CTBP2: variants seen among roughly 807,000 people sequenced by gnomAD.
CTBP2 encodes the protein C-terminal binding protein 2.
Under a neutral mutation model 80.3 loss-of-function variants are expected in CTBP2, and 30 were observed. The ratio of observed to expected loss-of-function variants is 0.37; its 90% CI spans 0.28 to 0.51. The LOEUF (loss-of-function observed/expected upper bound fraction) is 0.51. Ranked by LOEUF, CTBP2 falls within the 20% of genes least tolerant of loss-of-function variation. CTBP2 has a pLI of 0.93. For missense variants in CTBP2, 1,212 were observed against 1,375.3 expected, an observed-to-expected ratio of 0.88 and a Z score of 1.88; for synonymous variants, 594 against 587.4, an observed-to-expected ratio of 1.01 and a Z score of -0.16.
chr10:125,148,190 G>C (rs377723083), intron 1 of CTBP2, among the ~76,000 whole-genome samples: 3 of 152,244 alleles, frequency 2.0e-5, no homozygotes, highest in East Asian at 1.9e-4. Flanking sequence ...AGACATTCAC[G>C]ACCTTCCAGT....
At chr10:125,160,644 C>A (rs1861792334), upstream of CTBP2, 1 of 105,134 alleles carries the variant, frequency 9.5e-6, no homozygotes, top group African/African-American at 3.8e-5. Context: ...CCCTACCCCT[C>A]CCTTCCCTTC....
In CTBP2 at chr10:125,071,752, T is replaced by C. The variant is rs538515089; in HGVS notation, c.-101-32597A>G. Among the ~76,000 whole-genome samples, 11 of 152,250 alleles carry C rather than the reference T, an allele frequency of 7.2e-5. No homozygotes were observed. The South Asian group carries it at 2.3e-3, about 32-fold the overall frequency. On this transcript the variant is annotated intron_variant, in intron 2 of 10. Coordinates refer to the CTBP2 transcript ENST00000337195. ...TAGTTAATGGTCCAATGGTTCTTCC[T>C]TCCATCACAAAACCAAATTCCCAGA...
intron 1 of CTBP2, among the ~76,000 whole-genome samples, chr10:125,129,269 T>C (rs1410235815): frequency 6.6e-6 from 1 of 151,962 alleles, no homozygotes; most frequent in Non-Finnish European, 1.5e-5. Flanking sequence ...CAAGGGGACT[T>C]TCCGGAGTGA....
chr10:124,984,404 C>A lies in CTBP2; in HGVS notation c.*5114G>T. On this transcript the variant is annotated 3_prime_UTR_variant, in exon 9 of 9. Transcript: ENST00000309035. Reference sequence around the variant, plus strand: ...AACATGAAGAAAAAAAGTTCATAGACCGTAACTTGTATAATTTCAGCTTGT... The same window carrying A: ...AACATGAAGAAAAAAAGTTCATAGAACGTAACTTGTATAATTTCAGCTTGT... 1 of 185,176 alleles carries A rather than the reference C, an allele frequency of 5.4e-6. No homozygotes were observed. The highest frequency in any genetic ancestry group is 1.1e-5 in the Non-Finnish European group (1 of 90,368). The allele number at this position is 185,176 out of a possible 1,614,324, so 11.5% of individuals were successfully genotyped here.
chr10:125,082,406 A>G (rs572058370), intron 2 of CTBP2, among the ~76,000 whole-genome samples: 4 of 152,238 alleles, frequency 2.6e-5, no homozygotes, highest in Admixed American at 2.0e-4. Context: ...AACTTCCCCA[A>G]AAAGCTCCTG....
At chr10:125,128,567 C>A (rs1189924384) in intron 1 of CTBP2, among the ~76,000 whole-genome samples, 1 of 152,228 alleles carries the variant, frequency 6.6e-6, no homozygotes, top group Non-Finnish European at 1.5e-5. Flanking sequence ...ACGGTGCAGA[C>A]CCCTGCCCCC....
intron 3 of CTBP2, among the ~76,000 whole-genome samples, chr10:125,035,914 A>C (rs1250143826): frequency 6.6e-6 from 1 of 152,242 alleles, no homozygotes; most frequent in Non-Finnish European, 1.5e-5. Flanking sequence ...GCTCCTTCGT[A>C]ATAATTCTTA....
intron 2 of CTBP2, among the ~76,000 whole-genome samples, chr10:125,101,458 G>A (rs1452381219): frequency 3.9e-5 from 6 of 152,240 alleles, no homozygotes; most frequent in East Asian, 1.9e-4. Context: ...CCAGCACCTC[G>A]CCTTGGCTGC....
chr10:125,107,291 G>A (rs998391247), intron 2 of CTBP2, among the ~76,000 whole-genome samples: 1 of 152,202 alleles, frequency 6.6e-6, no homozygotes, highest in African/African-American at 2.4e-5. Flanking sequence ...GGTTTCGGAT[G>A]TTGGCAGTCT....
At chr10:125,122,896 A>C (rs980329680) in intron 1 of CTBP2, 1 of 152,238 alleles carries the variant, frequency 6.6e-6, no homozygotes, top group African/African-American at 2.4e-5. Flanking sequence ...CAGTCAATAC[A>C]CAGAAACCAA....
intron 2 of CTBP2, among the ~76,000 whole-genome samples, chr10:125,047,544 G>A (rs936987894): frequency 2.0e-5 from 3 of 152,240 alleles, no homozygotes; most frequent in African/African-American, 7.2e-5. Context: ...GGGGACTGAT[G>A]GCCACTAAGG....
At chr10:125,153,468 T>C (rs1175874662) in intron 1 of CTBP2, among the ~76,000 whole-genome samples, 2 of 152,138 alleles carry the variant, frequency 1.3e-5, no homozygotes, top group African/African-American at 2.4e-5. Context: ...AATAATAAAC[T>C]CACAGCTAGA....
At chr10:125,068,075 C>T (rs947046946) in intron 2 of CTBP2, among the ~76,000 whole-genome samples, 34 of 152,172 alleles carry the variant, frequency 2.2e-4, no homozygotes, top group Non-Finnish European at 4.4e-4. Context: ...TCAACTCAGC[C>T]CCAACAAGCA....
intron 2 of CTBP2, among the ~76,000 whole-genome samples, chr10:125,050,403 A>G (rs188480066): frequency 1.3e-5 from 2 of 152,386 alleles, no homozygotes; most frequent in East Asian, 3.9e-4. Context: ...ATGAAATAAA[A>G]TAGCTTGCAG....
chr10:125,153,089 G>A (rs1860287025), intron 1 of CTBP2, among the ~76,000 whole-genome samples: 1 of 152,222 alleles, frequency 6.6e-6, no homozygotes, highest in Non-Finnish European at 1.5e-5. Flanking sequence ...AGCCCATCTG[G>A]CCCGGCAGCT....
intron 2 of CTBP2, among the ~76,000 whole-genome samples, chr10:125,077,219 A>C (rs1284483259): frequency 2.0e-5 from 3 of 152,228 alleles, no homozygotes; most frequent in Non-Finnish European, 4.4e-5. Context: ...AAAACAAGCC[A>C]CTGATTGTGC....
chr10:125,062,899 C>T (rs1329625826), intron 2 of CTBP2, among the ~76,000 whole-genome samples: 2 of 152,220 alleles, frequency 1.3e-5, no homozygotes, highest in East Asian at 1.9e-4. Context: ...ACTGAGGGCA[C>T]CCAAGGAACA....
At chr10:125,102,908 T>C (rs1403627377) in intron 2 of CTBP2, among the ~76,000 whole-genome samples, 1 of 152,194 alleles carries the variant, frequency 6.6e-6, no homozygotes. Context: ...TGTAGTCAGG[T>C]TGGCTGAACC....
chr10:125,135,649 C>T (rs148755729), intron 1 of CTBP2, among the ~76,000 whole-genome samples: 1 of 152,222 alleles, frequency 6.6e-6, no homozygotes, highest in Non-Finnish European at 1.5e-5. Context: ...CGCACACAGG[C>T]ACCTCACCCT....
Sources: allele counts gnomAD v4.1 joint callset (sites outside exome capture counted in the v4.1 genomes callset), GRCh38; gene constraint gnomAD v4.1.1; transcripts MANE v1.5; gene names NCBI Gene and HGNC (gene_info 2026-07-23, HGNC 2026-07-21).